Variants in NWD1 observed in about 807,000 individuals in gnomAD.
NWD1 encodes NACHT domain- and WD repeat-containing protein 1.
NWD1 carries 129 observed loss-of-function variants against 135.1 expected under a neutral mutation model. The observed-to-expected ratio is 0.96, with a 90% CI of 0.83 to 1.11. The LOEUF is 1.11. Ranked by LOEUF, NWD1 falls within the 50% of genes least tolerant of loss-of-function variation. NWD1 has a pLI of 0.00. For synonymous variants in NWD1, 773 were observed against 786.0 expected (o/e 0.98, Z 0.28); for missense variants, 1,740 against 1,851.3 (o/e 0.94, Z 1.10).
intron 3 of NWD1, among the ~76,000 whole-genome samples, chr19:16,736,234 TCTCTC>T (rs1967812010): frequency 3.3e-5 from 5 of 150,378 alleles, no homozygotes; most frequent in Admixed American, 6.7e-5. Flanking sequence ...CCTACCTTCC[TCTCTC>T]TCTTTCTTTT....
intron 1 of NWD1, among the ~76,000 whole-genome samples, chr19:16,720,523 A>G (rs1967096979): frequency 6.6e-6 from 1 of 152,048 alleles, no homozygotes; most frequent in Non-Finnish European, 1.5e-5. Flanking sequence ...GAGTAAGGGG[A>G]ATTCTGCCCC....
intron 6 of NWD1, among the ~76,000 whole-genome samples, chr19:16,758,061 A>AG (rs1313101784): frequency 1.3e-5 from 2 of 151,916 alleles, no homozygotes; most frequent in East Asian, 3.9e-4. Context: ...CAAAAAAAAA[A>AG]AAAGAATTTT....
In NWD1 at chr19:16,807,813, G is replaced by A. The variant is rs141165642; in HGVS notation, c.3964G>A (p.Val1322Ile). 5.6e-6 allele frequency: 9 copies of A among 1,613,966 alleles called. No homozygotes were observed. Among genetic ancestry groups the A allele is most frequent in the South Asian group, 3.3e-5 (3 of 91,084 alleles). ...CCTGGCCATCGCCTATGACAACATC[G>A]TCCTGGTGCTGGACATCACCTCCGG... ...DRLAIAYDNI[V>I]LVLDITSGDP... is the part of the protein sequence containing the mutation. Residue 1322 changes from valine to isoleucine, a missense_variant, in exon 18 of 19, where the codon GTC becomes ATC. Physicochemically the swap from Val to Ile is conservative, Grantham distance 29. Coordinates refer to ENST00000524140, the MANE Select transcript of NWD1 (RefSeq NM_001007525.5).
intron 16 of NWD1, among the ~76,000 whole-genome samples, chr19:16,798,603 C>G (rs1482620277): frequency 6.6e-6 from 1 of 152,108 alleles, no homozygotes; most frequent in African/African-American, 2.4e-5. Context: ...AAAACAAGAA[C>G]CTGTCTCCAA....
intron 10 of NWD1, among the ~76,000 whole-genome samples, chr19:16,765,526 G>T (rs1048169721): frequency 9.2e-5 from 14 of 152,142 alleles, no homozygotes; most frequent in African/African-American, 3.4e-4. Context: ...TAGAGACAGG[G>T]TCTCACTGTG....
intron 5 of NWD1, 133 bp from the exon 6 acceptor site, chr19:16,749,006 T>A: frequency 1.5e-6 from 1 of 679,176 alleles, no homozygotes; most frequent in East Asian, 2.7e-5. Flanking sequence ...GACCCCCAGG[T>A]CAGACTCTGG....
chr19:16,764,988 G>C, intron 9 of NWD1, 46 bp from the exon 10 acceptor site: 1 of 1,600,336 alleles, frequency 6.2e-7, no homozygotes, highest in Non-Finnish European at 8.5e-7. Context: ...GGATGAACTG[G>C]AGGGAGGTAG....
chr19:16,787,876 C>T (rs528343404), intron 12 of NWD1, among the ~76,000 whole-genome samples: 1,448 of 119,440 alleles, frequency 0.012, 41 homozygotes, highest in African/African-American at 0.036. Context: ...GTAATAATAA[C>T]AATAATAATA....
chr19:16,771,683 T>TCC (rs1969417456), intron 10 of NWD1, among the ~76,000 whole-genome samples: 1 of 151,858 alleles, frequency 6.6e-6, no homozygotes, highest in Admixed American at 6.6e-5. Flanking sequence ...AACCTGTGGC[T>TCC]CCCCCAGCAC....
In NWD1 at chr19:16,802,234, T is replaced by C. The variant is rs11882037; in HGVS notation, c.3736+2072T>C. 2.7e-3 allele frequency among the ~76,000 whole-genome samples: 402 copies of C among 150,664 alleles called. 3 individuals are homozygous for C. The highest frequency in any genetic ancestry group is 0.01 in the Middle Eastern group (3 of 292). ...CAGGCAGAGGTTGCATTGAGCACCA[T>C]TGCACTCCAGCCTGGGTGACAGAGC... On this transcript the variant is annotated intron_variant, in intron 17 of 18. Coordinates refer to ENST00000524140, the MANE Select transcript of NWD1 (RefSeq NM_001007525.5).
chr19:16,792,906 A>G (rs1343686279), intron 14 of NWD1, among the ~76,000 whole-genome samples: 2 of 144,338 alleles, frequency 1.4e-5, no homozygotes, highest in Admixed American at 1.4e-4. Context: ...GAAAGGAATC[A>G]TGGTGGTGCA....
At chr19:16,722,602 A>G (rs1967181114) in intron 1 of NWD1, among the ~76,000 whole-genome samples, 1 of 151,760 alleles carries the variant, frequency 6.6e-6, no homozygotes, top group Non-Finnish European at 1.5e-5. Flanking sequence ...CCTCACTCTT[A>G]AAAAAGAATT....
intron 12 of NWD1, among the ~76,000 whole-genome samples, chr19:16,783,319 G>A (rs1969923943): frequency 6.6e-6 from 1 of 151,638 alleles, no homozygotes; most frequent in Non-Finnish European, 1.5e-5. Flanking sequence ...ACAGGCATAA[G>A]CCACTGTACC....
intron 18 of NWD1, among the ~76,000 whole-genome samples, chr19:16,810,777 C>G (rs921404056): frequency 6.6e-6 from 1 of 152,132 alleles, no homozygotes; most frequent in African/African-American, 2.4e-5. Flanking sequence ...GCAAAACTAA[C>G]TAATAAACAA....
intron 3 of NWD1, among the ~76,000 whole-genome samples, chr19:16,733,246 C>T (rs935360832): frequency 6.0e-5 from 9 of 151,180 alleles, no homozygotes; most frequent in South Asian, 4.2e-4. Context: ...CTGGGCCGGG[C>T]GAAGTGGCTC....
chr19:16,780,220 A>G (rs1028854367), intron 12 of NWD1, among the ~76,000 whole-genome samples: 1 of 151,304 alleles, frequency 6.6e-6, no homozygotes, highest in Non-Finnish European at 1.5e-5. Context: ...CAGTGGTGCA[A>G]TCTCGGCTCA....
chr19:16,778,488 CTTCTTCT>C (rs1160455443), intron 11 of NWD1, among the ~76,000 whole-genome samples: 12 of 31,890 alleles, frequency 3.8e-4, no homozygotes, highest in African/African-American at 6.0e-4. Flanking sequence ...TCTTCTTCTT[CTTCTTCT>C]TTTTTTTTTT....
intron 18 of NWD1, chr19:16,812,744 G>C (rs569021231): frequency 1.3e-6 from 1 of 781,050 alleles, no homozygotes; most frequent in East Asian, 2.4e-5. Context: ...GTTTTCAACA[G>C]AGTTCTTACT....
At position 16,815,886 on chromosome 19, in the gene NWD1, T is replaced by C. The variant is rs1214346875; in HGVS notation, c.*847T>C. 2 of 152,530 alleles carry C rather than the reference T, an allele frequency of 1.3e-5. No homozygotes were observed. The highest frequency in any genetic ancestry group is 4.8e-5 in the African/African-American group (2 of 41,454). 9.4% of individuals were successfully genotyped at this position (152,530 alleles called of 1,614,324 possible). A position where few individuals can be genotyped will look rare whatever the true frequency, so the allele number is the denominator to read the frequency against. ...GTCATCTGATCCTCATCACAACTCATACTTTAGGGAGGGCAGGAGTTTCTG... is the reference window on the plus strand; with the variant it reads ...GTCATCTGATCCTCATCACAACTCACACTTTAGGGAGGGCAGGAGTTTCTG... On this transcript the variant is annotated 3_prime_UTR_variant, in exon 19 of 19. Coordinates refer to ENST00000524140, the MANE Select transcript of NWD1 (RefSeq NM_001007525.5).
Sources: allele counts gnomAD v4.1 joint callset (sites outside exome capture counted in the v4.1 genomes callset), GRCh38; gene constraint gnomAD v4.1.1; transcripts MANE v1.5; gene names NCBI Gene and HGNC (gene_info 2026-07-23, HGNC 2026-07-21).